The following PRPH2 variants were observed in gnomAD, a reference collection of about 807,000 sequenced individuals.
PRPH2 encodes the protein peripherin-2.
PRPH2 carries 17 observed loss-of-function variants against 31.3 expected under a neutral mutation model. That is an observed-to-expected ratio of 0.54 (90% CI 0.37 to 0.81). The LOEUF (loss-of-function observed/expected upper bound fraction) is 0.81, where lower values mean the gene tolerates loss of function less well. Among genes scored for constraint, PRPH2 ranks in the 40% least tolerant of loss-of-function variants. The pLI is 0.00. For synonymous variants in PRPH2, 165 were observed against 184.4 expected, an observed-to-expected ratio of 0.89 and a Z score of 0.85; for missense variants, 430 against 439.7, an observed-to-expected ratio of 0.98 and a Z score of 0.20.
At chr6:42,707,652 C>A (rs1800192616) in intron 1 of PRPH2, among the ~76,000 whole-genome samples, 1 of 152,144 alleles carries the variant, frequency 6.6e-6, no homozygotes, top group Non-Finnish European at 1.5e-5. Context: ...TGAAGTTGAG[C>A]GTCTTTTGGT....
At chr6:42,715,998 C>T (rs1462050399) in intron 1 of PRPH2, among the ~76,000 whole-genome samples, 3 of 152,164 alleles carry the variant, frequency 2.0e-5, no homozygotes, top group Non-Finnish European at 4.4e-5. Flanking sequence ...TAGCCCAGTC[C>T]GGTGAAGTGC....
At chr6:42,718,446 C>A (rs1282771246) in intron 1 of PRPH2, among the ~76,000 whole-genome samples, 1 of 151,816 alleles carries the variant, frequency 6.6e-6, no homozygotes, top group Non-Finnish European at 1.5e-5. Context: ...CCAGCCTGGG[C>A]AATAGAGTGA....
intron 1 of PRPH2, among the ~76,000 whole-genome samples, chr6:42,706,726 C>T (rs756766446): frequency 2.2e-4 from 33 of 152,104 alleles, no homozygotes; most frequent in Non-Finnish European, 4.1e-4. Flanking sequence ...GAATTGGTCA[C>T]GAATCTCTTA....
chr6:42,702,444 T>C lies in PRPH2; in HGVS notation c.828+1921A>G, dbSNP rs142668985. Among the ~76,000 whole-genome samples the C allele has an allele frequency of 3.1e-3, 470 of 151,586 alleles. 8 individuals are homozygous for C. The highest frequency in any genetic ancestry group is 0.01 in the African/African-American group (432 of 41,328). On this transcript the variant is annotated intron_variant, in intron 2 of 2. Transcript: ENST00000230381. ...CTTCCTGGCTTTGTACATTGGGATT[T>C]TGAAGTTTGGATTTTCTGCTCTCAA... is the stretch of plus-strand genomic sequence containing the variant.
At chr6:42,719,095 G>A (rs1350326172) in intron 1 of PRPH2, among the ~76,000 whole-genome samples, 1 of 151,994 alleles carries the variant, frequency 6.6e-6, no homozygotes, top group Middle Eastern at 3.2e-3. Flanking sequence ...GCCCATTCCA[G>A]TGTTACTTAT....
intron 2 of PRPH2, among the ~76,000 whole-genome samples, chr6:42,703,604 A>G (rs1231293345): frequency 3.3e-5 from 5 of 152,224 alleles, no homozygotes; most frequent in African/African-American, 1.2e-4. Context: ...GTCCATTTAT[A>G]TGAAATGTCC....
At chr6:42,706,063 G>A (rs1378392516) in intron 1 of PRPH2, among the ~76,000 whole-genome samples, 1 of 151,930 alleles carries the variant, frequency 6.6e-6, no homozygotes, top group Non-Finnish European at 1.5e-5. Flanking sequence ...CTGAGGTCAG[G>A]AGTTCAAGAC....
intron 1 of PRPH2, among the ~76,000 whole-genome samples, chr6:42,713,422 T>C (rs1023999429): frequency 6.6e-6 from 1 of 152,046 alleles, no homozygotes; most frequent in Non-Finnish European, 1.5e-5. Context: ...TGTGGGAGGT[T>C]GAAGCCCAGT....
intron 2 of PRPH2, among the ~76,000 whole-genome samples, chr6:42,700,997 T>G (rs1800035922): frequency 6.6e-6 from 1 of 151,652 alleles, no homozygotes; most frequent in Non-Finnish European, 1.5e-5. Flanking sequence ...CTTTTTTTTT[T>G]TTTTTGGAGA....
chr6:42,716,939 C>CT (rs372907390), intron 1 of PRPH2, among the ~76,000 whole-genome samples: 1 of 30,166 alleles, frequency 3.3e-5, no homozygotes, highest in Non-Finnish European at 7.4e-5. Flanking sequence ...TTCTTTTTTT[C>CT]TTTTCTTTTC....
chr6:42,700,248 G>A (rs1299854625), intron 2 of PRPH2, among the ~76,000 whole-genome samples: 3 of 152,224 alleles, frequency 2.0e-5, no homozygotes, highest in Non-Finnish European at 2.9e-5. Flanking sequence ...TTACAGGCGT[G>A]AGCCACCACA....
At chr6:42,719,205 G>C (rs1761848602) in intron 1 of PRPH2, among the ~76,000 whole-genome samples, 1 of 144,958 alleles carries the variant, frequency 6.9e-6, no homozygotes, top group Non-Finnish European at 1.5e-5. Context: ...GTCTCACACT[G>C]TCTCCCGGGC....
rs2152010856 is a variant in PRPH2, at chr6:42,721,778, T to C, written c.557A>G (p.Asp186Gly). The C allele has an allele frequency of 6.2e-7, 1 of 1,614,168 alleles. No homozygotes were observed. The highest frequency in any genetic ancestry group is 8.5e-7 in the Non-Finnish European group (1 of 1,180,028). Residue 186 changes from aspartate (D) to glycine (G), a missense_variant, in exon 1 of 3, where the codon GAC becomes GGC. Transcript: ENST00000230381. ...CTCTTTGACTTCTTTGGAGGAAAAG[T>C]CCAGGTAGCGATTGCTGATCCACTG... is the stretch of plus-strand genomic sequence containing the variant. ...EIQWISNRYL[D>G]FSSKEVKDRI...
chr6:42,717,673 T>A (rs1761814133), intron 1 of PRPH2, among the ~76,000 whole-genome samples: 1 of 152,034 alleles, frequency 6.6e-6, no homozygotes, highest in Non-Finnish European at 1.5e-5. Context: ...CAGAAAAAAT[T>A]TTTTAGTTTT....
At position 42,716,518 on chromosome 6, in the gene PRPH2, C is replaced by T. The variant is rs138434841; in HGVS notation, c.581+5236G>A. Among the ~76,000 whole-genome samples, 1,390 of 151,314 alleles carry T rather than the reference C, an allele frequency of 9.2e-3. 15 individuals carry two copies. The highest frequency in any genetic ancestry group is 0.016 in the Non-Finnish European group (1,104 of 67,854). ...TGCAGCCTTGACCTCCCAGGCTCAA[C>T]GGATTCTCCCACCTCAGCTTCCCAA... On this transcript the variant is annotated intron_variant, in intron 1 of 2. Coordinates refer to ENST00000230381, the MANE Select transcript of PRPH2 (RefSeq NM_000322.5).
At chr6:42,702,159 T>A (rs543617626) in intron 2 of PRPH2, among the ~76,000 whole-genome samples, 12 of 151,752 alleles carry the variant, frequency 7.9e-5, no homozygotes, top group African/African-American at 2.7e-4. Flanking sequence ...GAAGAATCAC[T>A]TGAACCCAGG....
chr6:42,698,410 T>C lies in PRPH2; in HGVS notation c.926A>G (p.Glu309Gly). 6.2e-7 allele frequency: 1 copy of C among 1,613,878 alleles called. No individual in the cohort carries two copies. The highest frequency in any genetic ancestry group is 8.5e-7 in the Non-Finnish European group (1 of 1,179,774). Reference sequence around the variant, plus strand: ...CTTCCAGGTCTCCGGCACGCTCCTCTCCAGCAGCCAGCCCTGGCTCTCGCT... The same window carrying C: ...CTTCCAGGTCTCCGGCACGCTCCTCCCCAGCAGCCAGCCCTGGCTCTCGCT... ...SESESQGWLL[E>G]RSVPETWKAF... is the part of the protein sequence containing the mutation. Residue 309 changes from glutamate to glycine, a missense_variant, in exon 3 of 3, where the codon GAG becomes GGG. Transcript: ENST00000230381.
At chr6:42,720,186 C>T (rs1761872996) in intron 1 of PRPH2, among the ~76,000 whole-genome samples, 1 of 152,134 alleles carries the variant, frequency 6.6e-6, no homozygotes, top group Non-Finnish European at 1.5e-5. Context: ...GTGGAGTGAC[C>T]TAGATAATTC....
chr6:42,699,086 T>A (rs1582760314), intron 2 of PRPH2, among the ~76,000 whole-genome samples: 1 of 148,686 alleles, frequency 6.7e-6, no homozygotes, highest in African/African-American at 2.5e-5. Flanking sequence ...CAAGTCTTAC[T>A]CTGTCACCCA....
Sources: gnomAD v4.1 joint callset for allele counts (sites outside exome capture counted in the v4.1 genomes callset) on GRCh38, gnomAD v4.1.1 for gene constraint, MANE v1.5 for transcripts, NCBI Gene and HGNC (gene_info 2026-07-23, HGNC 2026-07-21) for gene names.